TMEM181: variants seen among roughly 807,000 people sequenced by gnomAD.
TMEM181 encodes the protein transmembrane protein 181.
Under a neutral mutation model 71.9 loss-of-function variants are expected in TMEM181, and 39 were observed. That is an observed-to-expected ratio of 0.54 (90% CI 0.42 to 0.71). The LOEUF is 0.71. Among genes scored for constraint, TMEM181 ranks in the 30% least tolerant of loss-of-function variants. The pLI, the probability that TMEM181 is intolerant of heterozygous loss-of-function variation, is 0.00. For synonymous variants in TMEM181, 245 were observed against 228.8 expected, an observed-to-expected ratio of 1.07 and a Z score of -0.64; for missense variants, 595 against 583.0, an observed-to-expected ratio of 1.02 and a Z score of -0.21.
upstream of TMEM181, among the ~76,000 whole-genome samples, chr6:158,558,842 C>G (rs2128283733): frequency 6.6e-6 from 1 of 152,254 alleles, no homozygotes; most frequent in African/African-American, 2.4e-5. Context: ...GACCCCTGCT[C>G]TAGCTCATAG....
Position 158,621,551 on chromosome 6 carries a change from G to A in TMEM181, c.897-1999G>A, listed in dbSNP as rs139583807. On this transcript the variant is annotated intron_variant, in intron 10 of 16. Coordinates refer to ENST00000684151, the MANE Select transcript of TMEM181 (RefSeq NM_001376852.1). ...GGCCAGCTGAGGGGGCCACATCACC[G>A]GACTCCCGGAGGCAGCTGCGCTTGC... The A allele has an allele frequency of 1.8e-3, 330 of 179,508 alleles. 2 individuals carry two copies. The highest frequency in any genetic ancestry group is 2.8e-3 in the Non-Finnish European group (220 of 79,772). 11.1% of individuals were successfully genotyped at this position (179,508 alleles called of 1,614,324 possible).
At chr6:158,631,700 G>C (rs1458247558) in intron 16 of TMEM181, 110 bp from the exon 17 acceptor site, 1 of 1,276,040 alleles carries the variant, frequency 7.8e-7, no homozygotes, top group African/African-American at 1.5e-5. Flanking sequence ...ATAGAAAATT[G>C]AAAGAGCGAA....
Position 158,620,921 on chromosome 6 carries a change from C to T in TMEM181, c.897-2629C>T, listed in dbSNP as rs1785916933. ...CAATAAACCTGAGAGGGCCTTCTGG[C>T]CAAGTTAGGTCAGAGGCACTCTCTT... is the stretch of plus-strand genomic sequence containing the variant. On this transcript the variant is annotated intron_variant, in intron 10 of 16. Coordinates refer to ENST00000684151, the MANE Select transcript of TMEM181 (RefSeq NM_001376852.1). This position sits in a 1 kb window ranked among gnomAD's most constrained non-coding sequence, Gnocchi z 4.5. Among the ~76,000 whole-genome samples, 1 of 152,186 alleles carries T rather than the reference C, an allele frequency of 6.6e-6. No individual in the cohort carries two copies. The highest frequency in any genetic ancestry group is 6.5e-5 in the Admixed American group (1 of 15,278).
At chr6:158,628,139 T>A in intron 13 of TMEM181, 1 of 623,608 alleles carries the variant, frequency 1.6e-6, no homozygotes, top group Admixed American at 2.2e-5. Context: ...GAGAGTGTGA[T>A]GGGGCCTGCA....
intron 6 of TMEM181, 109 bp from the exon 7 acceptor site, chr6:158,605,158 G>GT: frequency 1.7e-6 from 1 of 571,558 alleles, no homozygotes; most frequent in South Asian, 1.9e-5. Flanking sequence ...GTGTGTGTGT[G>GT]TATGTGTATA....
At chr6:158,618,394 G>A (rs951796411) in intron 10 of TMEM181, among the ~76,000 whole-genome samples, 5 of 152,094 alleles carry the variant, frequency 3.3e-5, no homozygotes, top group East Asian at 1.9e-4. Flanking sequence ...GTCTCTGCAC[G>A]TGAGATGGGT....
At chr6:158,563,276 TG>T (rs1317419997) in intron 1 of TMEM181, among the ~76,000 whole-genome samples, 1 of 152,208 alleles carries the variant, frequency 6.6e-6, no homozygotes, top group Non-Finnish European at 1.5e-5. Flanking sequence ...CCTGAGTAGC[TG>T]GGCTTACAGG....
chr6:158,560,644 T>A (rs1782108780), intron 1 of TMEM181, among the ~76,000 whole-genome samples: 2 of 152,094 alleles, frequency 1.3e-5, no homozygotes, highest in Admixed American at 1.3e-4. Flanking sequence ...CGTCGTCCCC[T>A]CGGTATCGAG....
intron 6 of TMEM181, among the ~76,000 whole-genome samples, chr6:158,599,231 T>A (rs1285663359): frequency 6.6e-6 from 1 of 152,222 alleles, no homozygotes; most frequent in Non-Finnish European, 1.5e-5. Flanking sequence ...CACCTGTGCC[T>A]GCACGGAGGA....
At chr6:158,569,295 A>T (rs1253627551) in intron 1 of TMEM181, among the ~76,000 whole-genome samples, 1 of 152,230 alleles carries the variant, frequency 6.6e-6, no homozygotes, top group Non-Finnish European at 1.5e-5. Flanking sequence ...TCCAGTGAGG[A>T]TGCCTGCTTG....
At chr6:158,558,386 T>C (rs939810149), upstream of TMEM181, among the ~76,000 whole-genome samples, 71 of 152,202 alleles carry the variant, frequency 4.7e-4, no homozygotes, top group African/African-American at 1.6e-3. Flanking sequence ...AAAGACAAAA[T>C]GACAGCAAAT....
intron 14 of TMEM181, among the ~76,000 whole-genome samples, chr6:158,628,941 A>C (rs1299167796): frequency 2.6e-5 from 4 of 152,174 alleles, no homozygotes; most frequent in East Asian, 1.9e-4. Context: ...CCCCCGGGAT[A>C]TCTCTCTCAT....
At chr6:158,573,391 C>G (rs757776002) in intron 1 of TMEM181, 29 bp from the exon 2 acceptor site, 19 of 1,547,896 alleles carry the variant, frequency 1.2e-5, no homozygotes, top group Middle Eastern at 1.7e-4. Flanking sequence ...TTCCCCTGAC[C>G]GTCCCTCACT....
intron 1 of TMEM181, among the ~76,000 whole-genome samples, chr6:158,537,833 A>G (rs1266239471): frequency 6.6e-6 from 1 of 152,208 alleles, no homozygotes; most frequent in Non-Finnish European, 1.5e-5. Flanking sequence ...TACTCATCAT[A>G]GGTACCTGCT....
At chr6:158,536,821 G>C (rs759762331) in exon 1 of TMEM181, 4 of 1,553,578 alleles carry the variant, frequency 2.6e-6, no homozygotes, top group Non-Finnish European at 3.5e-6. Context: ...CGTACCGCGA[G>C]CTCAAGGAGG....
intron 1 of TMEM181, among the ~76,000 whole-genome samples, chr6:158,564,070 G>A (rs779929783): frequency 2.0e-4 from 31 of 152,212 alleles, no homozygotes; most frequent in Non-Finnish European, 3.5e-4. Flanking sequence ...GAGCCACTGC[G>A]CCTGGCTTGT....
chr6:158,594,952 A>G (rs1175169737), intron 6 of TMEM181, among the ~76,000 whole-genome samples: 1 of 152,232 alleles, frequency 6.6e-6, no homozygotes, highest in African/African-American at 2.4e-5. Flanking sequence ...TGCTGGGATT[A>G]CAGGCATGAG....
At chr6:158,584,214 T>C (rs1783634985) in intron 4 of TMEM181, among the ~76,000 whole-genome samples, 170 bp downstream of exon 4, 1 of 152,214 alleles carries the variant, frequency 6.6e-6, no homozygotes, top group African/African-American at 2.4e-5. Context: ...TGTCTTCCAG[T>C]GGGAGAGAAA....
At chr6:158,586,608 C>T (rs1341400267) in intron 5 of TMEM181, among the ~76,000 whole-genome samples, 1 of 152,162 alleles carries the variant, frequency 6.6e-6, no homozygotes, top group Non-Finnish European at 1.5e-5. Flanking sequence ...ATGGATACTG[C>T]CTAGTTACTA....
Sources: gnomAD v4.1 joint callset for allele counts (sites outside exome capture counted in the v4.1 genomes callset) on GRCh38, gnomAD v4.1.1 for gene constraint, Gnocchi (gnomAD v3.1) non-coding constraint, MANE v1.5 for transcripts, NCBI Gene and HGNC (gene_info 2026-07-23, HGNC 2026-07-21) for gene names.